Variants in ZDHHC11B observed in about 807,000 individuals in gnomAD.
ZDHHC11B encodes probable palmitoyltransferase ZDHHC11B.
ZDHHC11B carries 17 observed loss-of-function variants against 42.3 expected under a neutral mutation model. That is an observed-to-expected ratio of 0.40 (90% CI 0.27 to 0.60). The LOEUF (loss-of-function observed/expected upper bound fraction) is 0.60. ZDHHC11B is among the 20% of genes least tolerant of loss of function. The probability of loss-of-function intolerance (pLI) is 0.41; values close to 1 mark genes in which losing one functional copy is unlikely to be tolerated. For synonymous variants in ZDHHC11B, 123 were observed against 193.5 expected, an observed-to-expected ratio of 0.64 and a Z score of 3.02; for missense variants, 262 against 463.2, an observed-to-expected ratio of 0.57 and a Z score of 3.99.
intron 6 of ZDHHC11B, among the ~76,000 whole-genome samples, chr5:752,580 A>T (rs1298818582): frequency 2.2e-5 from 2 of 91,858 alleles, no homozygotes; most frequent in Non-Finnish European, 5.1e-5. Flanking sequence ...TCTATTTTCA[A>T]CTGGAGGCCA....
intron 1 of ZDHHC11B, among the ~76,000 whole-genome samples, chr5:778,443 A>T (rs1263818580): frequency 1.1e-3 from 163 of 150,524 alleles, no homozygotes; most frequent in East Asian, 4.3e-3. Flanking sequence ...AAAACAGCCG[A>T]GGCTCTCAAG....
At chr5:737,379 A>G (rs1381228625) in intron 10 of ZDHHC11B, among the ~76,000 whole-genome samples, 6 of 149,602 alleles carry the variant, frequency 4.0e-5, no homozygotes, top group Admixed American at 6.8e-5. Flanking sequence ...CCAGGCATCC[A>G]AAGAAGGACT....
chr5:714,200 T>C (rs150648616), intron 13 of ZDHHC11B, among the ~76,000 whole-genome samples: 3,897 of 124,026 alleles, frequency 0.031, 204 homozygotes, highest in African/African-American at 0.067. Flanking sequence ...CTAGAACCTC[T>C]GGCTTCATTT....
rs563089803 is a variant in ZDHHC11B, at chr5:760,062, G to C, written c.223-3918C>G. On this transcript the variant is annotated intron_variant, in intron 4 of 13. Coordinates refer to ENST00000508859, the MANE Select transcript of ZDHHC11B (RefSeq NM_001351303.2). Reference sequence around the variant, plus strand: ...CTTTAGAAATGGAGATCCAGGTGTGGAGTGGGGGGTACAGGGGAGCCACAG... The same window carrying C: ...CTTTAGAAATGGAGATCCAGGTGTGCAGTGGGGGGTACAGGGGAGCCACAG... Among the ~76,000 whole-genome samples, 122 of 151,982 alleles carry C rather than the reference G, an allele frequency of 8.0e-4. 2 individuals carry two copies. The highest frequency in any genetic ancestry group is 2.5e-3 in the Admixed American group (38 of 15,244).
rs573315459 is a variant in ZDHHC11B, at chr5:717,802, A to G, written c.1059-937T>C. 5.3e-5 allele frequency among the ~76,000 whole-genome samples: 8 copies of G among 151,898 alleles called. No homozygotes were observed. In the South Asian group the frequency reaches 1.5e-3, roughly 28 times the overall value. On this transcript the variant is annotated intron_variant, in intron 12 of 13. Coordinates refer to ENST00000508859, the MANE Select transcript of ZDHHC11B (RefSeq NM_001351303.2). ...AGACCCCCAGGAATTGCCATGGAGG[A>G]GCAGTGGATGCTCAGCTGGGCAGGG...
intron 10 of ZDHHC11B, among the ~76,000 whole-genome samples, chr5:736,437 A>C (rs1743525941): frequency 6.7e-6 from 1 of 149,622 alleles, no homozygotes; most frequent in African/African-American, 2.5e-5. Flanking sequence ...ACAAAGAAAC[A>C]ATGACCTTAA....
intron 13 of ZDHHC11B, among the ~76,000 whole-genome samples, chr5:712,841 G>A (rs1307750142): frequency 6.2e-4 from 94 of 151,672 alleles, no homozygotes; most frequent in African/African-American, 1.2e-3. Context: ...CCCGGGAGGC[G>A]GAGTTTGCAG....
chr5:741,883 T>C (rs1340086699), intron 9 of ZDHHC11B, among the ~76,000 whole-genome samples: 5 of 100,616 alleles, frequency 5.0e-5, no homozygotes, highest in Admixed American at 1.3e-4. Context: ...TGCTTTCCAA[T>C]ATGGTGGCAC....
At chr5:773,242 C>T (rs1258589703) in intron 1 of ZDHHC11B, among the ~76,000 whole-genome samples, 1 of 151,972 alleles carries the variant, frequency 6.6e-6, no homozygotes, top group African/African-American at 2.4e-5. Flanking sequence ...AGCTGCTTCT[C>T]CTTGGATGGG....
Position 753,452 on chromosome 5 carries a change from C to G in ZDHHC11B, c.503+1546G>C, listed in dbSNP as rs1046823409. On this transcript the variant is annotated intron_variant, in intron 6 of 13. Coordinates refer to ENST00000508859, the MANE Select transcript of ZDHHC11B (RefSeq NM_001351303.2). Reference sequence around the variant, plus strand: ...GTCTACACTTGGCACCCACGTGGTCCCTCTCCAGCACCCCTCCTGAGGAAG... The same window carrying G: ...GTCTACACTTGGCACCCACGTGGTCGCTCTCCAGCACCCCTCCTGAGGAAG... Among the ~76,000 whole-genome samples, 64 of 132,672 alleles carry G rather than the reference C, an allele frequency of 4.8e-4. 10 individuals are homozygous for G. The Admixed American group carries it at 4.9e-3, about 10-fold the overall frequency. The allele number at this position is 132,672 out of a possible 152,430, so 87.0% of individuals were successfully genotyped here. A position where few individuals can be genotyped will look rare whatever the true frequency, so the allele number is the denominator to read the frequency against.
intron 13 of ZDHHC11B, among the ~76,000 whole-genome samples, chr5:713,129 AAACAT>A (rs1375893434): frequency 1.3e-5 from 2 of 151,374 alleles, no homozygotes; most frequent in Non-Finnish European, 2.9e-5. Flanking sequence ...CTGGGACTCT[AAACAT>A]AACATAGCCT....
intron 4 of ZDHHC11B, among the ~76,000 whole-genome samples, chr5:759,208 T>C (rs28415475): frequency 0.061 from 9,172 of 149,682 alleles, 163 homozygotes; most frequent in Non-Finnish European, 0.09. Flanking sequence ...CTAGCAACAA[T>C]CTGTATTTTG....
At chr5:724,290 T>C in intron 12 of ZDHHC11B, among the ~76,000 whole-genome samples, 1 of 147,678 alleles carries the variant, frequency 6.8e-6, no homozygotes. Flanking sequence ...ACTGCAACCT[T>C]CACCTCCCAG....
intron 4 of ZDHHC11B, among the ~76,000 whole-genome samples, chr5:758,696 G>A (rs1444785107): frequency 6.6e-6 from 1 of 151,694 alleles, no homozygotes; most frequent in Admixed American, 6.6e-5. Context: ...CAAGATTCCA[G>A]GGCAGTGTCT....
intron 1 of ZDHHC11B, among the ~76,000 whole-genome samples, chr5:777,385 G>A (rs1212540252): frequency 6.6e-6 from 1 of 151,822 alleles, no homozygotes; most frequent in Non-Finnish European, 1.5e-5. Flanking sequence ...CGGTGGGCTC[G>A]TGGTCTGGCT....
intron 13 of ZDHHC11B, among the ~76,000 whole-genome samples, chr5:716,371 C>G (rs191474446): frequency 2.8e-4 from 42 of 151,812 alleles, no homozygotes; most frequent in African/African-American, 9.7e-4. Context: ...AATTTCACTG[C>G]ATTCTATGGA....
rs975037183 is a variant in ZDHHC11B, at chr5:711,639, C to G, written c.*651G>C. 6.4e-6 allele frequency: 1 copy of G among 155,520 alleles called. No homozygotes were observed. The highest frequency in any genetic ancestry group is 2.4e-5 in the African/African-American group (1 of 40,922). The allele number at this position is 155,520 out of a possible 1,614,324, so 9.6% of individuals were successfully genotyped here. ...CTCCCATTTCCCAGTGCTGTATACTCCTATCTCCCAGTGCTGTTTGCTCCC... is the reference window on the plus strand; with the variant it reads ...CTCCCATTTCCCAGTGCTGTATACTGCTATCTCCCAGTGCTGTTTGCTCCC... On this transcript the variant is annotated 3_prime_UTR_variant, in exon 14 of 14. Coordinates refer to ENST00000508859, the MANE Select transcript of ZDHHC11B (RefSeq NM_001351303.2).
chr5:713,999 C>T lies in ZDHHC11B; in HGVS notation c.*8-1717G>A, dbSNP rs559459935. 7.1e-5 allele frequency among the ~76,000 whole-genome samples: 10 copies of T among 140,472 alleles called. No homozygotes were observed. The South Asian group carries it at 2.3e-3, about 32-fold the overall frequency. The allele number at this position is 140,472 out of a possible 152,430, so 92.2% of individuals were successfully genotyped here. A position where few individuals can be genotyped will look rare whatever the true frequency, so the allele number is the denominator to read the frequency against. On this transcript the variant is annotated intron_variant, in intron 13 of 13. Coordinates refer to ENST00000508859, the MANE Select transcript of ZDHHC11B (RefSeq NM_001351303.2). ...GCCAGCTGCACTCCCCACTAGATTT[C>T]TCTTTGGGTTCCTCTGTGCCTTCAA...
chr5:743,044 AG>A lies in ZDHHC11B; in HGVS notation c.901-1417del, dbSNP rs1221167923. On this transcript the variant is annotated intron_variant, in intron 9 of 13. Transcript: ENST00000508859. ...AAGTGATCCTGGGTAATCTTTGTAC[AG>A]GTATGAAGAACTCAATCATTCTTTT... is the stretch of plus-strand genomic sequence containing the variant. Among the ~76,000 whole-genome samples the A allele has an allele frequency of 1.3e-5, 2 of 149,930 alleles. 1 individual carries two copies. The highest frequency in any genetic ancestry group is 3.0e-5 in the Non-Finnish European group (2 of 67,654).
Sources: gnomAD v4.1 joint callset for allele counts (sites outside exome capture counted in the v4.1 genomes callset) on GRCh38, gnomAD v4.1.1 for gene constraint, MANE v1.5 for transcripts, NCBI Gene and HGNC (gene_info 2026-07-23, HGNC 2026-07-21) for gene names.